The following CHL1 variants were observed in gnomAD, a reference collection of about 807,000 sequenced individuals.
CHL1 encodes the protein cell adhesion molecule L1 like, also known as neural cell adhesion molecule L1-like protein.
In CHL1, 96 loss-of-function variants were observed where a neutral mutation model predicts 141.9. The ratio of observed to expected loss-of-function variants is 0.68; its 90% CI spans 0.57 to 0.80. CHL1 has a LOEUF of 0.80. Among genes scored for constraint, CHL1 ranks in the 30% least tolerant of loss-of-function variants. CHL1 has a pLI of 0.00. For missense variants in CHL1, 1,820 were observed against 1,457.2 expected, an observed-to-expected ratio of 1.25 and a Z score of -4.05; for synonymous variants, 613 against 502.2, an observed-to-expected ratio of 1.22 and a Z score of -2.95.
intron 2 of CHL1, among the ~76,000 whole-genome samples, chr3:287,719 T>A (rs958333146): frequency 3.9e-5 from 6 of 152,124 alleles, no homozygotes; most frequent in Admixed American, 3.3e-4. Context: ...AAAAAAATGA[T>A]CATTTTTGTT....
rs116697037 is a variant in CHL1 at position 313,478 on chromosome 3, G to A, written c.-94-6205G>A. On this transcript the variant is annotated intron_variant, in intron 2 of 27. Transcript: ENST00000256509. ...AATGTTATTTGCAAAAGGGAAAATC[G>A]AAGCATTTACTATTCATTAGAGCCA... 3.8e-4 allele frequency among the ~76,000 whole-genome samples: 57 copies of A among 151,980 alleles called. 1 individual carries two copies. Among genetic ancestry groups the A allele is most frequent in the African/African-American group, 1.2e-3 (49 of 41,476 alleles).
chr3:340,938 CA>C, intron 6 of CHL1, 22 bp downstream of exon 6: 6 of 1,592,260 alleles, frequency 3.8e-6, no homozygotes, highest in African/African-American at 1.4e-5. Flanking sequence ...TCCGTTCCAT[CA>C]AAAAAGGGGG....
At chr3:345,724 C>G (rs1213136294) in intron 9 of CHL1, among the ~76,000 whole-genome samples, 2 of 152,096 alleles carry the variant, frequency 1.3e-5, no homozygotes, top group Non-Finnish European at 1.5e-5. Context: ...ACCCTGTGAT[C>G]CACCTGAGTT....
intron 2 of CHL1, among the ~76,000 whole-genome samples, chr3:299,806 A>G (rs1286794196): frequency 6.6e-6 from 1 of 152,166 alleles, no homozygotes; most frequent in Non-Finnish European, 1.5e-5. Context: ...CAGAGTGTAT[A>G]TCAGTGTGCC....
rs536733322 is a variant in CHL1 at position 326,144 on chromosome 3, C to T, written c.197+80C>T. The T allele has an allele frequency of 6.2e-5, 49 of 792,918 alleles. No individual in the cohort carries two copies. In the East Asian group the frequency reaches 1.4e-3, roughly 22 times the overall value. 49.1% of individuals were successfully genotyped at this position (792,918 alleles called of 1,614,324 possible). A position where few individuals can be genotyped will look rare whatever the true frequency, so the allele number is the denominator to read the frequency against. ...GCTCTTTACTCTTACCATCACAAGC[C>T]TGTTGGACTATGAATCCACGCATGA... On this transcript the variant is annotated intron_variant, in intron 4 of 27. Coordinates refer to ENST00000256509, the MANE Select transcript of CHL1 (RefSeq NM_006614.4).
intron 2 of CHL1, among the ~76,000 whole-genome samples, chr3:271,902 T>C (rs1009050531): frequency 3.3e-5 from 5 of 152,232 alleles, no homozygotes; most frequent in African/African-American, 1.2e-4. Flanking sequence ...GTGGAGATCA[T>C]GTATTTGTAA....
At chr3:345,621 C>T (rs1239827380) in intron 9 of CHL1, among the ~76,000 whole-genome samples, 1 of 151,992 alleles carries the variant, frequency 6.6e-6, no homozygotes, top group East Asian at 1.9e-4. Context: ...GTAGCTGAAG[C>T]TACAGGTGTG....
At chr3:274,924 G>T (rs1227083857) in intron 2 of CHL1, among the ~76,000 whole-genome samples, 1 of 152,088 alleles carries the variant, frequency 6.6e-6, no homozygotes, top group East Asian at 1.9e-4. Flanking sequence ...TATTCTGGTG[G>T]ACGCATGTAG....
At chr3:291,803 C>A (rs1355111808) in intron 2 of CHL1, among the ~76,000 whole-genome samples, 1 of 152,102 alleles carries the variant, frequency 6.6e-6, no homozygotes, top group Non-Finnish European at 1.5e-5. Context: ...AGCCTTGGAC[C>A]AGTCCAGTAA....
At chr3:259,454 G>C (rs1694501555) in intron 2 of CHL1, among the ~76,000 whole-genome samples, 1 of 152,076 alleles carries the variant, frequency 6.6e-6, no homozygotes. Flanking sequence ...TTCAAGCTGA[G>C]AAGCTAGGCA....
chr3:309,367 TTTTCTTTCC>T (rs1559233216), intron 2 of CHL1: 2 of 143,804 alleles, frequency 1.4e-5, no homozygotes, highest in African/African-American at 5.3e-5. Flanking sequence ...TATATTTTCT[TTTTCTTTCC>T]TTCCTTCCTT....
chr3:363,420 A>G, intron 14 of CHL1, 37 bp downstream of exon 14: 1 of 1,563,220 alleles, frequency 6.4e-7, no homozygotes, highest in Non-Finnish European at 8.8e-7. Flanking sequence ...ATGAATTGTC[A>G]CATGGGTTCA....
At chr3:270,002 G>A (rs1006521030) in intron 2 of CHL1, among the ~76,000 whole-genome samples, 1 of 152,230 alleles carries the variant, frequency 6.6e-6, no homozygotes, top group Non-Finnish European at 1.5e-5. Flanking sequence ...TGACCCAGTA[G>A]AGGGGCCAGG....
chr3:330,781 G>A (rs576803085), intron 5 of CHL1, among the ~76,000 whole-genome samples: 1 of 152,096 alleles, frequency 6.6e-6, no homozygotes, highest in East Asian at 1.9e-4. Context: ...AATTATTAAA[G>A]AATAACAAGT....
intron 1 of CHL1, among the ~76,000 whole-genome samples, chr3:212,866 A>G (rs886507617): frequency 6.6e-6 from 1 of 152,208 alleles, no homozygotes; most frequent in Admixed American, 6.5e-5. Flanking sequence ...ACATTCCCCT[A>G]AACTCACCAT....
intron 1 of CHL1, among the ~76,000 whole-genome samples, chr3:218,341 T>G (rs755731214): frequency 1.2e-4 from 18 of 152,260 alleles, no homozygotes; most frequent in Non-Finnish European, 2.1e-4. Flanking sequence ...CATTCAATTA[T>G]TGATCATAAG....
At chr3:316,596 C>T (rs1389840284) in intron 2 of CHL1, among the ~76,000 whole-genome samples, 1 of 151,864 alleles carries the variant, frequency 6.6e-6, no homozygotes. Flanking sequence ...AGCTATCAGA[C>T]ATCAGCTTCA....
Position 385,915 on chromosome 3 carries a change from T to C in CHL1, c.2247+2029T>C, listed in dbSNP as rs1378078795. The stretch of plus-strand genomic sequence containing the variant: ...TAATTAATTGACTAGAGGAAGGAAG[T>C]AGTCACAGGATTTGGATCTAGGCTG... On this transcript the variant is annotated intron_variant, in intron 19 of 27. Coordinates refer to ENST00000256509, the MANE Select transcript of CHL1 (RefSeq NM_006614.4). 3.3e-5 allele frequency: 5 copies of C among 150,686 alleles called. No individual in the cohort carries two copies. The East Asian group carries it at 9.8e-4, about 29-fold the overall frequency. 9.3% of individuals were successfully genotyped at this position (150,686 alleles called of 1,614,324 possible). A position where few individuals can be genotyped will look rare whatever the true frequency, so the allele number is the denominator to read the frequency against.
chr3:408,318 C>T lies in CHL1; in HGVS notation c.*2607C>T, dbSNP rs1212679262. ...TTTAATGTAATTGATTGTATATAGT[C>T]TCAAGAATGGTTGGTGGGCATGAGT... On this transcript the variant is annotated 3_prime_UTR_variant, in exon 28 of 28. Transcript: ENST00000256509. 1 of 152,084 alleles carries T rather than the reference C, an allele frequency of 6.6e-6. No individual in the cohort carries two copies. The highest frequency in any genetic ancestry group is 2.4e-5 in the African/African-American group (1 of 41,426). 9.4% of individuals were successfully genotyped at this position (152,084 alleles called of 1,614,324 possible).
Sources: gnomAD v4.1 joint callset for allele counts (sites outside exome capture counted in the v4.1 genomes callset) on GRCh38, gnomAD v4.1.1 for gene constraint, MANE v1.5 for transcripts, NCBI Gene and HGNC (gene_info 2026-07-23, HGNC 2026-07-21) for gene names.